The following KCNIP4 variants were observed in gnomAD, a reference collection of about 807,000 sequenced individuals.
KCNIP4 encodes Kv channel-interacting protein 4.
Under a neutral mutation model 34.0 loss-of-function variants are expected in KCNIP4, and 12 were observed. The ratio of observed to expected loss-of-function variants is 0.35; its 90% CI spans 0.23 to 0.57. KCNIP4 has a LOEUF of 0.57. KCNIP4 is among the 20% of genes least tolerant of loss of function. The pLI is 0.83. For missense variants in KCNIP4, 238 were observed against 311.7 expected (o/e 0.76, Z 1.78); for synonymous variants, 124 against 102.2 (o/e 1.21, Z -1.29).
chr4:21,351,371 T>A, intron 1 of KCNIP4, among the ~76,000 whole-genome samples: 1 of 151,940 alleles, frequency 6.6e-6, no homozygotes, highest in East Asian at 1.9e-4. Context: ...ATCAGATGGT[T>A]TTATAAAGAG....
At chr4:21,934,583 TA>T (rs1414784007) in intron 1 of KCNIP4, among the ~76,000 whole-genome samples, 3 of 152,102 alleles carry the variant, frequency 2.0e-5, no homozygotes, top group Non-Finnish European at 4.4e-5. Flanking sequence ...ATTTGCTCTT[TA>T]ACTGCATGCA....
intron 1 of KCNIP4, among the ~76,000 whole-genome samples, chr4:21,268,429 G>T (rs768886745): frequency 6.6e-6 from 1 of 152,114 alleles, no homozygotes; most frequent in African/African-American, 2.4e-5. Flanking sequence ...GCCACTTCCC[G>T]TTTTAATATT....
At chr4:21,337,632 A>G (rs1578096312) in intron 1 of KCNIP4, among the ~76,000 whole-genome samples, 2 of 152,054 alleles carry the variant, frequency 1.3e-5, no homozygotes, top group East Asian at 1.9e-4. Context: ...TTCTTTTTTT[A>G]TTACTTAGAG....
intron 2 of KCNIP4, among the ~76,000 whole-genome samples, chr4:20,851,135 C>G (rs1020968083): frequency 2.0e-5 from 3 of 152,124 alleles, no homozygotes; most frequent in African/African-American, 7.2e-5. Flanking sequence ...CACAGATCAT[C>G]CCATCGCCCA....
chr4:21,901,281 T>A (rs1311026796), intron 1 of KCNIP4, among the ~76,000 whole-genome samples: 1 of 152,222 alleles, frequency 6.6e-6, no homozygotes, highest in African/African-American at 2.4e-5. Context: ...CCAAGCATGG[T>A]GACAACAAAA....
chr4:21,347,876 GA>G (rs1328582034), intron 1 of KCNIP4, among the ~76,000 whole-genome samples: 1 of 151,838 alleles, frequency 6.6e-6, no homozygotes, highest in African/African-American at 2.4e-5. Flanking sequence ...GAGAAATTAA[GA>G]AAAAAAATCT....
chr4:21,280,923 C>A (rs1051357778), intron 1 of KCNIP4, among the ~76,000 whole-genome samples: 2 of 151,970 alleles, frequency 1.3e-5, no homozygotes, highest in Non-Finnish European at 2.9e-5. Flanking sequence ...GTGAATGCTC[C>A]AGTCATTATG....
At chr4:20,887,553 A>G (rs1362459103) in intron 1 of KCNIP4, among the ~76,000 whole-genome samples, 1 of 152,170 alleles carries the variant, frequency 6.6e-6, no homozygotes, top group Non-Finnish European at 1.5e-5. Context: ...ATAATTTTTC[A>G]TCAAGAACAG....
At chr4:21,636,694 G>C (rs1310836759) in intron 1 of KCNIP4, among the ~76,000 whole-genome samples, 1 of 152,134 alleles carries the variant, frequency 6.6e-6, no homozygotes. Context: ...TCAAGTATTA[G>C]ATCTTACTTT....
intron 1 of KCNIP4, among the ~76,000 whole-genome samples, chr4:21,308,935 G>T (rs1384590802): frequency 2.7e-5 from 4 of 146,138 alleles, no homozygotes; most frequent in Non-Finnish European, 4.5e-5. Context: ...CTGCATGAAG[G>T]TTATCTCTTG....
At chr4:20,759,925 A>G (rs924623822) in intron 3 of KCNIP4, among the ~76,000 whole-genome samples, 1 of 152,168 alleles carries the variant, frequency 6.6e-6, no homozygotes, top group African/African-American at 2.4e-5. Context: ...GGATACCAAA[A>G]TCCATGCACA....
intron 1 of KCNIP4, among the ~76,000 whole-genome samples, chr4:21,281,377 C>T (rs115032242): frequency 4.8e-4 from 73 of 152,052 alleles, no homozygotes; most frequent in Middle Eastern, 3.4e-3. Flanking sequence ...TGTGAGTCAC[C>T]GCACCCAGCC....
intron 1 of KCNIP4, chr4:21,303,725 T>C: frequency 9.2e-7 from 1 of 1,082,412 alleles, no homozygotes; most frequent in Non-Finnish European, 1.4e-6. Flanking sequence ...TGATCTCATT[T>C]CAGGTGCCTC....
intron 1 of KCNIP4, among the ~76,000 whole-genome samples, chr4:21,670,718 C>T (rs1274718625): frequency 1.3e-5 from 2 of 152,018 alleles, no homozygotes; most frequent in African/African-American, 2.4e-5. Context: ...TGCAGTGGCG[C>T]GATCTTGGCT....
intron 1 of KCNIP4, among the ~76,000 whole-genome samples, chr4:21,364,921 T>C (rs1040126209): frequency 6.6e-6 from 1 of 152,138 alleles, no homozygotes; most frequent in Non-Finnish European, 1.5e-5. Context: ...GAAAAGGACA[T>C]TGCAAGTGAA....
intron 1 of KCNIP4, among the ~76,000 whole-genome samples, chr4:21,181,295 T>C (rs1307983348): frequency 1.3e-5 from 2 of 152,146 alleles, no homozygotes; most frequent in Non-Finnish European, 2.9e-5. Context: ...TAAGTGTCCA[T>C]GCTTGGCTCC....
At chr4:21,044,762 T>A (rs951630549) in intron 1 of KCNIP4, among the ~76,000 whole-genome samples, 1 of 152,188 alleles carries the variant, frequency 6.6e-6, no homozygotes, top group South Asian at 2.1e-4. Context: ...CTCATTCCCA[T>A]CTTTCTCTAC....
intron 1 of KCNIP4, among the ~76,000 whole-genome samples, chr4:21,799,980 G>A (rs954147346): frequency 1.3e-5 from 2 of 152,104 alleles, no homozygotes; most frequent in Non-Finnish European, 2.9e-5. Flanking sequence ...CTACCATGGA[G>A]CCCACTATAG....
At chr4:21,709,009 A>G (rs1158471068) in intron 1 of KCNIP4, among the ~76,000 whole-genome samples, 1 of 152,122 alleles carries the variant, frequency 6.6e-6, no homozygotes, top group Non-Finnish European at 1.5e-5. Context: ...AAATTTTATT[A>G]CATATACTAT....
Sources: gnomAD v4.1 joint callset for allele counts (sites outside exome capture counted in the v4.1 genomes callset) on GRCh38, gnomAD v4.1.1 for gene constraint, MANE v1.5 for transcripts, NCBI Gene and HGNC (gene_info 2026-07-23, HGNC 2026-07-21) for gene names.